Variants in ITGBL1 observed in about 807,000 individuals in gnomAD.
The protein encoded by ITGBL1 is integrin subunit beta like 1, also known as integrin beta-like protein 1.
Under a neutral mutation model 68.5 loss-of-function variants are expected in ITGBL1, and 51 were observed. The ratio of observed to expected loss-of-function variants is 0.74; its 90% CI spans 0.59 to 0.94. The LOEUF is 0.94. Among genes scored for constraint, ITGBL1 ranks in the 40% least tolerant of loss-of-function variants. The pLI is 0.00. For missense variants in ITGBL1, 649 were observed against 647.4 expected, an observed-to-expected ratio of 1.00 and a Z score of -0.03; for synonymous variants, 209 against 227.3, an observed-to-expected ratio of 0.92 and a Z score of 0.72.
intron 2 of ITGBL1, among the ~76,000 whole-genome samples, chr13:101,505,995 A>C (rs2049021277): frequency 6.6e-6 from 1 of 152,202 alleles, no homozygotes; most frequent in Non-Finnish European, 1.5e-5. Context: ...CCCTGGGATG[A>C]CAGTACAGTA....
chr13:101,540,463 G>A (rs12869517), intron 2 of ITGBL1, among the ~76,000 whole-genome samples: 54,542 of 151,910 alleles, frequency 0.36, 9,943 homozygotes, highest in South Asian at 0.39. Context: ...TAGCCTTGTA[G>A]TATAGTTTGA....
chr13:101,621,793 GT>G (rs552943302), intron 7 of ITGBL1, among the ~76,000 whole-genome samples: 79 of 152,248 alleles, frequency 5.2e-4, no homozygotes, highest in African/African-American at 1.8e-3. Context: ...GAATGAGACT[GT>G]TGGCAATGAC....
intron 2 of ITGBL1, among the ~76,000 whole-genome samples, chr13:101,463,086 G>A (rs185343907): frequency 6.6e-6 from 1 of 152,224 alleles, no homozygotes; most frequent in African/African-American, 2.4e-5. Flanking sequence ...TAGGGATAAT[G>A]ACAGTGCCAA....
intron 7 of ITGBL1, among the ~76,000 whole-genome samples, chr13:101,602,636 T>G (rs1367972327): frequency 6.6e-6 from 1 of 151,964 alleles, no homozygotes; most frequent in Admixed American, 6.6e-5. Flanking sequence ...TTTTGATATA[T>G]TAACATAATT....
intron 7 of ITGBL1, among the ~76,000 whole-genome samples, chr13:101,605,792 A>ATG (rs1451537456): frequency 0.25 from 1,197 of 4,740 alleles, 18 homozygotes; most frequent in African/African-American, 0.28. Flanking sequence ...GTATGTGCGT[A>ATG]TATGTACTCG....
chr13:101,501,289 C>T (rs944078160), intron 2 of ITGBL1, among the ~76,000 whole-genome samples: 1 of 152,192 alleles, frequency 6.6e-6, no homozygotes. Flanking sequence ...GAATCACACT[C>T]CTCTGCAGAA....
chr13:101,594,244 G>A (rs982909858), intron 6 of ITGBL1, among the ~76,000 whole-genome samples: 3 of 152,094 alleles, frequency 2.0e-5, no homozygotes, highest in African/African-American at 7.2e-5. Flanking sequence ...ACATAGACCA[G>A]TGGAACAGAA....
chr13:101,586,487 A>T (rs1218329624), intron 6 of ITGBL1, among the ~76,000 whole-genome samples: 1 of 152,212 alleles, frequency 6.6e-6, no homozygotes, highest in African/African-American at 2.4e-5. Flanking sequence ...GTTCTTTTAT[A>T]AACCTCATTC....
At chr13:101,593,206 C>T (rs1480434727) in intron 6 of ITGBL1, among the ~76,000 whole-genome samples, 1 of 151,848 alleles carries the variant, frequency 6.6e-6, no homozygotes, top group African/African-American at 2.4e-5. Context: ...CAGTGAGATA[C>T]CTCTTCACTC....
intron 7 of ITGBL1, among the ~76,000 whole-genome samples, chr13:101,684,954 C>G (rs529599269): frequency 6.6e-6 from 1 of 151,882 alleles, no homozygotes; most frequent in African/African-American, 2.4e-5. Context: ...AAATTGATGA[C>G]GTCTGACTAT....
intron 2 of ITGBL1, among the ~76,000 whole-genome samples, chr13:101,482,138 C>T (rs138836678): frequency 1.8e-4 from 28 of 152,156 alleles, no homozygotes; most frequent in African/African-American, 2.2e-4. Context: ...CTTTTGAATG[C>T]GACACATTTT....
At position 101,554,767 on chromosome 13, in the gene ITGBL1, C is replaced by G. The variant is rs149568764; in HGVS notation, c.317-12932C>G. On this transcript the variant is annotated intron_variant, in intron 2 of 10. Coordinates refer to ENST00000376180, the MANE Select transcript of ITGBL1 (RefSeq NM_004791.3). ...CTGGGGTGGGGCAGGGGACAGGGCC[C>G]TTTTGTGGAGTGCCACACAATTCAT... Among the ~76,000 whole-genome samples, 415 of 152,292 alleles carry G rather than the reference C, an allele frequency of 2.7e-3. 2 individuals carry two copies. The highest frequency in any genetic ancestry group is 9.0e-3 in the African/African-American group (376 of 41,550).
intron 7 of ITGBL1, among the ~76,000 whole-genome samples, chr13:101,610,547 A>T (rs956026500): frequency 6.6e-6 from 1 of 152,274 alleles, no homozygotes; most frequent in Non-Finnish European, 1.5e-5. Context: ...TCTTACCACC[A>T]TGTATCTCTG....
chr13:101,636,257 T>G (rs2032166734), intron 7 of ITGBL1, among the ~76,000 whole-genome samples: 1 of 152,098 alleles, frequency 6.6e-6, no homozygotes, highest in South Asian at 2.1e-4. Context: ...GCAGACACTT[T>G]CAGGAAGAAA....
chr13:101,692,552 C>T, intron 7 of ITGBL1, 33 bp from the exon 8 acceptor site: 1 of 1,439,702 alleles, frequency 6.9e-7, no homozygotes, highest in Non-Finnish European at 9.8e-7. Flanking sequence ...CGGGACTCTC[C>T]TCATAAGTGT....
At chr13:101,663,997 G>A (rs1372212697) in intron 7 of ITGBL1, among the ~76,000 whole-genome samples, 2 of 152,172 alleles carry the variant, frequency 1.3e-5, no homozygotes, top group East Asian at 3.9e-4. Context: ...AAATGCTTTT[G>A]AGGAGGTCAG....
chr13:101,511,186 C>G (rs1316567033), intron 2 of ITGBL1, among the ~76,000 whole-genome samples: 1 of 151,878 alleles, frequency 6.6e-6, no homozygotes, highest in Admixed American at 6.6e-5. Context: ...TAATCATTCT[C>G]TTCTACTCCA....
At chr13:101,509,183 T>TGGCAGGC (rs951119676) in intron 2 of ITGBL1, among the ~76,000 whole-genome samples, 12 of 152,082 alleles carry the variant, frequency 7.9e-5, no homozygotes, top group Non-Finnish European at 1.8e-4. Flanking sequence ...ACGTGGATGG[T>TGGCAGGC]GGCAGGCAAA....
intron 7 of ITGBL1, among the ~76,000 whole-genome samples, chr13:101,647,061 G>A (rs1014374010): frequency 5.9e-5 from 9 of 151,940 alleles, no homozygotes; most frequent in African/African-American, 1.9e-4. Context: ...TCCCATTTTA[G>A]ACAGTGAATC....
Sources: allele counts gnomAD v4.1 joint callset (sites outside exome capture counted in the v4.1 genomes callset), GRCh38; gene constraint gnomAD v4.1.1; transcripts MANE v1.5; gene names NCBI Gene and HGNC (gene_info 2026-07-23, HGNC 2026-07-21).